The following NEBL variants were observed in gnomAD, a reference collection of about 807,000 sequenced individuals.
The protein encoded by NEBL is nebulette.
Under a neutral mutation model 140.2 loss-of-function variants are expected in NEBL, and 122 were observed. That is an observed-to-expected ratio of 0.87 (90% CI 0.75 to 1.01). NEBL has a LOEUF of 1.01. NEBL is among the 50% of genes least tolerant of loss of function. The probability of loss-of-function intolerance (pLI) is 0.00; values close to 1 mark genes in which losing one functional copy is unlikely to be tolerated. For missense variants in NEBL, 1,365 were observed against 1,231.3 expected, an observed-to-expected ratio of 1.11 and a Z score of -1.62; for synonymous variants, 436 against 398.9, an observed-to-expected ratio of 1.09 and a Z score of -1.11.
In NEBL at chr10:20,780,932, G is replaced by T. The variant is rs992153175; in HGVS notation, c.*4815C>A. On this transcript the variant is annotated 3_prime_UTR_variant, in exon 28 of 28. Transcript: ENST00000377122. ...TTAATGATTAGGGTAGCCTTGAAGG[G>T]TTTGTGAGTGACTGTACTATACAAT... 2 of 152,144 alleles carry T rather than the reference G, an allele frequency of 1.3e-5. No individual in the cohort carries two copies. Among genetic ancestry groups the T allele is most frequent in the African/African-American group, 4.8e-5 (2 of 41,432 alleles). 9.4% of individuals were successfully genotyped at this position (152,144 alleles called of 1,614,324 possible).
At chr10:20,937,546 A>T (rs1288023891) in intron 4 of NEBL, among the ~76,000 whole-genome samples, 1 of 152,074 alleles carries the variant, frequency 6.6e-6, no homozygotes, top group Non-Finnish European at 1.5e-5. Flanking sequence ...TGCATTTCCA[A>T]CTGGGGGACT....
chr10:21,230,627 CAG>C (rs1293327613), intron 3 of NEBL, among the ~76,000 whole-genome samples: 1 of 135,924 alleles, frequency 7.4e-6, no homozygotes, highest in African/African-American at 2.8e-5. Context: ...TTTTTTGAGA[CAG>C]GGGCTCGCTC....
chr10:21,227,777 T>G (rs531100650), intron 3 of NEBL, among the ~76,000 whole-genome samples: 48 of 148,594 alleles, frequency 3.2e-4, no homozygotes, highest in South Asian at 1.1e-3. Flanking sequence ...TCTTTCTGCT[T>G]CTTCTTTCTC....
chr10:21,128,158 A>T (rs184034711), intron 2 of NEBL, among the ~76,000 whole-genome samples: 2,116 of 152,248 alleles, frequency 0.014, 17 homozygotes, highest in Non-Finnish European at 0.021. Context: ...CAAACAGTAA[A>T]TTTTTTTAAT....
Position 21,259,866 on chromosome 10 carries a change from G to T in NEBL, n.183-8038C>A, listed in dbSNP as rs1345301907. Among the ~76,000 whole-genome samples the T allele has an allele frequency of 2.6e-5, 4 of 152,156 alleles. No homozygotes were observed. The East Asian group carries it at 7.7e-4, about 29-fold the overall frequency. On this transcript the variant is annotated intron_variant and non_coding_transcript_variant, in intron 1 of 8. Coordinates refer to the NEBL transcript ENST00000675702. The stretch of plus-strand genomic sequence containing the variant: ...GGTGGATCTAAGGTGGAACAGGAAG[G>T]TGCAAGACTTCGGCTTCATGTTTGA...
chr10:21,033,648 G>A (rs991172497), intron 2 of NEBL, among the ~76,000 whole-genome samples: 1 of 151,562 alleles, frequency 6.6e-6, no homozygotes, highest in Non-Finnish European at 1.5e-5. Context: ...GCTGAGGCAG[G>A]AGAATCACTT....
At chr10:20,872,572 G>A (rs181973263) in intron 5 of NEBL, among the ~76,000 whole-genome samples, 81 of 152,304 alleles carry the variant, frequency 5.3e-4, no homozygotes, top group African/African-American at 1.9e-3. Context: ...CTTGAGAAGG[G>A]AATGGGTAAA....
At chr10:20,907,265 A>T (rs148427760) in intron 4 of NEBL, among the ~76,000 whole-genome samples, 6 of 152,300 alleles carry the variant, frequency 3.9e-5, no homozygotes, top group South Asian at 2.1e-4. Flanking sequence ...CAGTGTGGAA[A>T]TGTATTTTAT....
intron 3 of NEBL, among the ~76,000 whole-genome samples, chr10:21,201,854 C>T (rs533280288): frequency 9.4e-4 from 143 of 152,190 alleles, no homozygotes; most frequent in African/African-American, 3.1e-3. Flanking sequence ...AATTGCTATT[C>T]GTAATGTCAC....
intron 2 of NEBL, among the ~76,000 whole-genome samples, chr10:21,144,114 TG>T (rs1310571082): frequency 6.6e-6 from 1 of 152,248 alleles, no homozygotes; most frequent in African/African-American, 2.4e-5. Context: ...TTTGTGCCCT[TG>T]GAGGGCAGAA....
intron 3 of NEBL, among the ~76,000 whole-genome samples, chr10:21,201,078 CAA>C (rs202007655): frequency 7.4e-6 from 1 of 134,766 alleles, no homozygotes; most frequent in African/African-American, 2.7e-5. Flanking sequence ...AGATTCTGTC[CAA>C]AAAAAAAAAA....
At chr10:20,979,450 T>C (rs756244684) in intron 3 of NEBL, among the ~76,000 whole-genome samples, 2 of 152,208 alleles carry the variant, frequency 1.3e-5, no homozygotes, top group Non-Finnish European at 2.9e-5. Flanking sequence ...ATTAGCCTTG[T>C]CTATACTATT....
intron 3 of NEBL, among the ~76,000 whole-genome samples, chr10:20,969,788 G>A (rs1836490391): frequency 6.6e-6 from 1 of 151,918 alleles, no homozygotes; most frequent in South Asian, 2.1e-4. Context: ...CAAGTGATCT[G>A]TCCTCCTTGG....
At chr10:20,944,614 C>G (rs1835066308) in intron 4 of NEBL, among the ~76,000 whole-genome samples, 1 of 152,166 alleles carries the variant, frequency 6.6e-6, no homozygotes, top group Non-Finnish European at 1.5e-5. Flanking sequence ...CTCTCTCACA[C>G]CTGCCAACCT....
chr10:21,026,422 T>C (rs1839034258), intron 2 of NEBL, among the ~76,000 whole-genome samples: 1 of 152,238 alleles, frequency 6.6e-6, no homozygotes, highest in Admixed American at 6.5e-5. Flanking sequence ...TCTAACATTA[T>C]AGGCAACCAC....
intron 5 of NEBL, among the ~76,000 whole-genome samples, chr10:20,871,556 C>T (rs1047244289): frequency 4.6e-5 from 7 of 152,132 alleles, no homozygotes; most frequent in African/African-American, 1.7e-4. Flanking sequence ...CTTCTACTTA[C>T]TCTTTTATGA....
At chr10:20,896,778 T>C (rs1292517354) in intron 2 of NEBL, among the ~76,000 whole-genome samples, 180 bp downstream of exon 2, 2 of 152,136 alleles carry the variant, frequency 1.3e-5, no homozygotes, top group East Asian at 3.9e-4. Context: ...TAGCAGAAAT[T>C]CTCTGTATAG....
chr10:21,024,819 CA>C (rs56293124), intron 2 of NEBL, among the ~76,000 whole-genome samples: 108,953 of 151,748 alleles, frequency 0.72, 39,669 homozygotes, highest in African/African-American at 0.84. Flanking sequence ...ACCTCTCCAG[CA>C]AAAAAAGAAA....
At chr10:21,035,581 A>T (rs561415341) in intron 2 of NEBL, among the ~76,000 whole-genome samples, 3 of 152,188 alleles carry the variant, frequency 2.0e-5, no homozygotes, top group Non-Finnish European at 4.4e-5. Context: ...TCAATAGGTC[A>T]TTATACTTCT....
Sources: allele counts gnomAD v4.1 joint callset (sites outside exome capture counted in the v4.1 genomes callset), GRCh38; gene constraint gnomAD v4.1.1; transcripts MANE v1.5; gene names NCBI Gene and HGNC (gene_info 2026-07-23, HGNC 2026-07-21).